The following CNOT10 variants were observed in gnomAD, a reference collection of about 807,000 sequenced individuals.
CNOT10 encodes the protein CCR4-NOT transcription complex subunit 10, also known as CCR4-NOT transcription complex, subunit 10.
Under a neutral mutation model 94.6 loss-of-function variants are expected in CNOT10, and 30 were observed. The observed-to-expected ratio is 0.32, with a 90% CI of 0.24 to 0.43. The LOEUF is 0.43. Ranked by LOEUF, CNOT10 falls within the 20% of genes least tolerant of loss-of-function variation. CNOT10 has a pLI of 1.00. For synonymous variants in CNOT10, 289 were observed against 301.6 expected (o/e 0.96, Z 0.43); for missense variants, 759 against 877.2 (o/e 0.87, Z 1.70).
chr3:32,764,232 G>A (rs1700568279), intron 15 of CNOT10: 1 of 492,622 alleles, frequency 2.0e-6, no homozygotes, highest in African/African-American at 2.0e-5. Flanking sequence ...AGCTACTCAG[G>A]AGGCTGAGGC....
chr3:32,685,249 T>G lies in CNOT10; in HGVS notation c.-212T>G. 1 of 534,718 alleles carries G rather than the reference T, an allele frequency of 1.9e-6. No individual in the cohort carries two copies. Among genetic ancestry groups the G allele is most frequent in the East Asian group, 3.4e-5 (1 of 29,814 alleles). 33.1% of individuals were successfully genotyped at this position (534,718 alleles called of 1,614,324 possible). On this transcript the variant is annotated 5_prime_UTR_variant, in exon 1 of 19. Coordinates refer to ENST00000328834, the MANE Select transcript of CNOT10 (RefSeq NM_015442.3). ...ATGGCGGGAGGCTGTGGCGGTCCCT[T>G]GGTGGGGAAGCTGTTGCTGTTGCTA... is the stretch of plus-strand genomic sequence containing the variant.
intron 13 of CNOT10, among the ~76,000 whole-genome samples, chr3:32,755,047 G>T (rs1315812279): frequency 6.6e-6 from 1 of 151,424 alleles, no homozygotes; most frequent in Non-Finnish European, 1.5e-5. Flanking sequence ...AGGAGTTCGA[G>T]ACCAGCCTGG....
chr3:32,733,462 G>A lies in CNOT10; in HGVS notation c.1255G>A (p.Gly419Arg). 6.3e-7 allele frequency: 1 copy of A among 1,599,618 alleles called. No individual in the cohort carries two copies. Among genetic ancestry groups the A allele is most frequent in the Non-Finnish European group, 8.5e-7 (1 of 1,170,730 alleles). The stretch of plus-strand genomic sequence containing the variant: ...AACTAAAGGCCTTCCCAGCAAAAAA[G>A]GAATTGTACAGTCTATTGTTGGTCA... ...QETKGLPSKK[G>R]IVQSIVGQGY... Residue 419 changes from glycine to arginine, a missense_variant, in exon 11 of 19, where the codon GGA becomes AGA. By Grantham distance (125) the Gly-to-Arg change is moderately radical (BLOSUM62 -2). Coordinates refer to ENST00000328834, the MANE Select transcript of CNOT10 (RefSeq NM_015442.3).
At chr3:32,688,175 T>C (rs1382016868) in intron 1 of CNOT10, among the ~76,000 whole-genome samples, 1 of 152,200 alleles carries the variant, frequency 6.6e-6, no homozygotes, top group Non-Finnish European at 1.5e-5. Flanking sequence ...CAATGGCCTG[T>C]TTTGCCAGGT....
rs1699633755 is a variant in CNOT10, at chr3:32,745,079, A to G, written c.1595+7589A>G. Among the ~76,000 whole-genome samples the G allele has an allele frequency of 2.0e-5, 3 of 152,064 alleles. No homozygotes were observed. In the South Asian group the frequency reaches 6.2e-4, roughly 31 times the overall value. ...TTATTAGTAGAGACGGGGTTTCACC[A>G]TGTTGGCCAGGCTGGTATTGAACTC... On this transcript the variant is annotated intron_variant, in intron 13 of 18. Transcript: ENST00000328834.
intron 7 of CNOT10, 21 bp downstream of exon 7, chr3:32,717,258 T>C (rs371872111): frequency 2.0e-6 from 3 of 1,495,240 alleles, no homozygotes; most frequent in Middle Eastern, 1.7e-4. Context: ...TCTGGACTTT[T>C]GTTTTTCAAT....
chr3:32,769,624 C>G (rs1700809238), intron 17 of CNOT10: 2 of 385,334 alleles, frequency 5.2e-6, no homozygotes, highest in Non-Finnish European at 4.8e-6. Flanking sequence ...GTGAAAGCCA[C>G]CAGCAGAATT....
At chr3:32,691,338 T>G (rs1696841211) in intron 1 of CNOT10, among the ~76,000 whole-genome samples, 1 of 152,036 alleles carries the variant, frequency 6.6e-6, no homozygotes, top group Non-Finnish European at 1.5e-5. Context: ...ATTTTTTGTA[T>G]TTTTAGTAGA....
intron 13 of CNOT10, among the ~76,000 whole-genome samples, chr3:32,743,960 T>C (rs1207515506): frequency 6.6e-6 from 1 of 152,118 alleles, no homozygotes; most frequent in African/African-American, 2.4e-5. Context: ...TTTTTTCTTC[T>C]GGAGCAGATG....
chr3:32,723,490 TA>T (rs1698515172), intron 8 of CNOT10, among the ~76,000 whole-genome samples: 1 of 151,788 alleles, frequency 6.6e-6, no homozygotes, highest in Non-Finnish European at 1.5e-5. Flanking sequence ...TAAAAATAAA[TA>T]AAAGCAGTAA....
chr3:32,705,883 C>A (rs769223625), intron 3 of CNOT10, among the ~76,000 whole-genome samples: 6 of 152,038 alleles, frequency 3.9e-5, no homozygotes, highest in Non-Finnish European at 7.4e-5. Flanking sequence ...TTTTTAAACC[C>A]CATTAAAATT....
intron 1 of CNOT10, among the ~76,000 whole-genome samples, chr3:32,687,089 TC>T (rs1331282741): frequency 6.6e-6 from 1 of 152,188 alleles, no homozygotes; most frequent in Non-Finnish European, 1.5e-5. Flanking sequence ...GAAGGAAACT[TC>T]CTGCTTTGAT....
chr3:32,705,862 G>T (rs1435352169), intron 3 of CNOT10, among the ~76,000 whole-genome samples: 2 of 152,044 alleles, frequency 1.3e-5, no homozygotes. Context: ...TCCTTTATAG[G>T]CATAAAGTAA....
At chr3:32,709,724 C>G (rs559332288) in intron 4 of CNOT10, among the ~76,000 whole-genome samples, 125 of 152,262 alleles carry the variant, frequency 8.2e-4, no homozygotes, top group African/African-American at 2.8e-3. Flanking sequence ...TAATTAGTGA[C>G]CAGGTCCTTC....
At chr3:32,697,019 C>T (rs1332854975) in intron 1 of CNOT10, among the ~76,000 whole-genome samples, 1 of 151,528 alleles carries the variant, frequency 6.6e-6, no homozygotes, top group Non-Finnish European at 1.5e-5. Context: ...GGCGTGATCT[C>T]GGCTCACTGC....
intron 13 of CNOT10, among the ~76,000 whole-genome samples, chr3:32,743,891 C>T (rs1699584222): frequency 6.6e-6 from 1 of 151,990 alleles, no homozygotes; most frequent in Non-Finnish European, 1.5e-5. Flanking sequence ...ATAGGGCTTC[C>T]ATAGGGAATG....
intron 13 of CNOT10, among the ~76,000 whole-genome samples, chr3:32,743,004 GAGAT>G (rs1014436462): frequency 1.9e-5 from 1 of 52,942 alleles, no homozygotes; most frequent in African/African-American, 9.9e-5. Context: ...TTTTTTTTTT[GAGAT>G]AGATTTTTGC....
At position 32,720,209 on chromosome 3, in the gene CNOT10, G is replaced by A; in HGVS notation, c.840G>A (p.Glu280=). The change falls in exon 8 of 19, where the codon GAG becomes GAA. Residue 280 remains glutamate, a synonymous_variant. Transcript: ENST00000328834. ...TATTAAATAGTTCAAACATTGCTGA[G>A]CATCCAGGATTCATGAAAACAGGTA... ...VKLLNSSNIA[E]HPGFMKTGEC... is the part of the protein sequence containing the mutation. 6.6e-7 allele frequency: 1 copy of A among 1,518,250 alleles called. No homozygotes were observed. The highest frequency in any genetic ancestry group is 9.0e-7 in the Non-Finnish European group (1 of 1,112,530). The allele number at this position is 1,518,250 out of a possible 1,614,324, so 94.0% of individuals were successfully genotyped here. A position where few individuals can be genotyped will look rare whatever the true frequency, so the allele number is the denominator to read the frequency against.
intron 18 of CNOT10, among the ~76,000 whole-genome samples, chr3:32,771,446 C>A (rs1419331237): frequency 2.6e-5 from 4 of 152,014 alleles, no homozygotes; most frequent in African/African-American, 9.7e-5. Flanking sequence ...ACTGAAAATA[C>A]AAAAATTAGC....
Sources: gnomAD v4.1 joint callset for allele counts (sites outside exome capture counted in the v4.1 genomes callset) on GRCh38, gnomAD v4.1.1 for gene constraint, MANE v1.5 for transcripts, NCBI Gene and HGNC (gene_info 2026-07-23, HGNC 2026-07-21) for gene names.